Variants in XKR3 observed in about 807,000 individuals in gnomAD.
XKR3 encodes the protein XK related 3, also known as XK-related protein 3.
A neutral mutation model predicts 40.3 loss-of-function variants in XKR3; 27 were observed. The observed-to-expected ratio is 0.67, with a 90% CI of 0.49 to 0.92. XKR3 has a LOEUF of 0.92. Among genes scored for constraint, XKR3 ranks in the 40% least tolerant of loss-of-function variants. XKR3 has a pLI of 0.00. For missense variants in XKR3, 472 were observed against 537.6 expected, an observed-to-expected ratio of 0.88 and a Z score of 1.21; for synonymous variants, 193 against 195.4, an observed-to-expected ratio of 0.99 and a Z score of 0.10.
In XKR3 at chr22:16,799,270, C is replaced by A. The variant is rs143934994; in HGVS notation, c.589+501G>T. Among the ~76,000 whole-genome samples the A allele has an allele frequency of 5.4e-3, 824 of 151,352 alleles. 9 individuals carry two copies. The highest frequency in any genetic ancestry group is 0.019 in the African/African-American group (780 of 41,250). On this transcript the variant is annotated intron_variant, in intron 3 of 3. Coordinates refer to ENST00000684488, the MANE Select transcript of XKR3 (RefSeq NM_001386955.1). ...CTACTAAAAATATGAAAAAATTAGT[C>A]GGGCATGGTGGCGGGCACCTGTAGT...
intron 1 of XKR3, among the ~76,000 whole-genome samples, chr22:16,819,028 A>T (rs773698558): frequency 6.6e-6 from 1 of 152,168 alleles, no homozygotes; most frequent in Non-Finnish European, 1.5e-5. Flanking sequence ...AATTTGCAAC[A>T]GAATCATCCA....
chr22:16,819,966 A>G (rs1041701318), intron 1 of XKR3, among the ~76,000 whole-genome samples: 2 of 152,224 alleles, frequency 1.3e-5, no homozygotes, highest in Non-Finnish European at 2.9e-5. Context: ...ACAAAAAGTC[A>G]CTGAACATTA....
intron 2 of XKR3, among the ~76,000 whole-genome samples, chr22:16,804,544 G>A (rs2060182071): frequency 1.3e-5 from 2 of 152,094 alleles, no homozygotes; most frequent in South Asian, 4.1e-4. Context: ...GAGATTAACT[G>A]AAAGTCTAGC....
chr22:16,796,144 C>T (rs376897385), intron 3 of XKR3, among the ~76,000 whole-genome samples: 1 of 152,004 alleles, frequency 6.6e-6, no homozygotes, highest in Admixed American at 6.6e-5. Flanking sequence ...TCTCCCAAGA[C>T]TAAATCAAGA....
intron 3 of XKR3, among the ~76,000 whole-genome samples, chr22:16,788,548 C>G (rs1419553523): frequency 3.3e-5 from 5 of 151,952 alleles, no homozygotes; most frequent in African/African-American, 7.2e-5. Flanking sequence ...TGCATTCTAC[C>G]TACCACTAAA....
At chr22:16,807,165 ATGAG>A (rs1411967162) in intron 2 of XKR3, among the ~76,000 whole-genome samples, 2 of 152,340 alleles carry the variant, frequency 1.3e-5, no homozygotes, top group South Asian at 2.1e-4. Context: ...ATTTAGAACT[ATGAG>A]TAAGACAGAT....
chr22:16,812,636 C>T (rs1357298485), intron 1 of XKR3, among the ~76,000 whole-genome samples: 1 of 152,180 alleles, frequency 6.6e-6, no homozygotes, highest in Admixed American at 6.5e-5. Flanking sequence ...GATTGCACCA[C>T]TGCACTCCAG....
At chr22:16,820,964 A>G (rs2060253246) in intron 1 of XKR3, among the ~76,000 whole-genome samples, 1 of 152,122 alleles carries the variant, frequency 6.6e-6, no homozygotes, top group Admixed American at 6.6e-5. Context: ...TTTGAAAACT[A>G]AAACACAAAC....
rs371764594 is a variant in XKR3 at position 16,819,024 on chromosome 22, C to T, written c.-11+6267G>A. On this transcript the variant is annotated intron_variant, in intron 1 of 3. Transcript: ENST00000684488. The stretch of plus-strand genomic sequence containing the variant: ...ACAGGTCAGGAGGACCCCAAATTTG[C>T]AACAGAATCATCCACAACTGCTCCA... 7.2e-5 allele frequency among the ~76,000 whole-genome samples: 11 copies of T among 152,098 alleles called. No homozygotes were observed. In the East Asian group the frequency reaches 1.2e-3, roughly 16 times the overall value.
chr22:16,783,578 G>A lies in XKR3; in HGVS notation c.*41C>T. On this transcript the variant is annotated 3_prime_UTR_variant, in exon 4 of 4. Transcript: ENST00000684488. ...AGAGCCTCTTAACAAGTCACATTCA[G>A]CATCTTTACTCATTGTTCTGTGAAA... The A allele has an allele frequency of 2.8e-6, 4 of 1,445,678 alleles. No individual in the cohort carries two copies. Among genetic ancestry groups the A allele is most frequent in the Non-Finnish European group, 2.8e-6 (3 of 1,083,648 alleles). The allele number at this position is 1,445,678 out of a possible 1,614,324, so 89.6% of individuals were successfully genotyped here.
rs1195558429 is a variant in XKR3 at position 16,811,249 on chromosome 22, G to A, written c.-10-3166C>T. 2.0e-5 allele frequency among the ~76,000 whole-genome samples: 3 copies of A among 151,474 alleles called. No individual in the cohort carries two copies. The East Asian group carries it at 5.8e-4, about 29-fold the overall frequency. Reference sequence around the variant, plus strand: ...GGCGATTTCCTGCCTCAGCCTCTCAGTAGCTGGGACCACAGGTGCCCACCA... The same window carrying A: ...GGCGATTTCCTGCCTCAGCCTCTCAATAGCTGGGACCACAGGTGCCCACCA... On this transcript the variant is annotated intron_variant, in intron 1 of 3. Coordinates refer to ENST00000684488, the MANE Select transcript of XKR3 (RefSeq NM_001386955.1).
intron 2 of XKR3, among the ~76,000 whole-genome samples, chr22:16,807,392 T>C (rs1340381855): frequency 6.6e-6 from 1 of 152,230 alleles, no homozygotes; most frequent in East Asian, 1.9e-4. Flanking sequence ...TCTCACTCAC[T>C]CTACTCTCAT....
chr22:16,798,332 G>A (rs1332263372), intron 3 of XKR3, among the ~76,000 whole-genome samples: 1 of 152,144 alleles, frequency 6.6e-6, no homozygotes, highest in East Asian at 1.9e-4. Context: ...TGTTGGGTGA[G>A]GATGCTTTTG....
At chr22:16,800,139 C>A in intron 2 of XKR3, 115 bp from the exon 3 acceptor site, 3 of 1,167,340 alleles carry the variant, frequency 2.6e-6, no homozygotes, top group Non-Finnish European at 3.6e-6. Context: ...TATCAAATGG[C>A]AAATATTAAC....
rs150445008 is a variant in XKR3 at position 16,812,285 on chromosome 22, A to G, written c.-10-4202T>C. On this transcript the variant is annotated intron_variant, in intron 1 of 3. Transcript: ENST00000684488. ...TTGTTTGTGTGTTTAACCCGCATAT[A>G]CATTCCTGTTAAGGCTGGTAGTGCA... Among the ~76,000 whole-genome samples, 401 of 152,312 alleles carry G rather than the reference A, an allele frequency of 2.6e-3. 2 individuals are homozygous for G. Among genetic ancestry groups the G allele is most frequent in the East Asian group, 0.019 (99 of 5,190 alleles).
chr22:16,787,210 A>C (rs1236574228), intron 3 of XKR3, among the ~76,000 whole-genome samples: 1 of 152,172 alleles, frequency 6.6e-6, no homozygotes, highest in African/African-American at 2.4e-5. Flanking sequence ...AGAAATCTAG[A>C]AAGTTCATAG....
At chr22:16,802,704 G>A (rs1406555792) in intron 2 of XKR3, among the ~76,000 whole-genome samples, 1 of 151,996 alleles carries the variant, frequency 6.6e-6, no homozygotes, top group African/African-American at 2.4e-5. Flanking sequence ...TGGCCCGGAT[G>A]GTCTCGATCT....
At chr22:16,815,053 A>G (rs2060227515) in intron 1 of XKR3, among the ~76,000 whole-genome samples, 1 of 151,976 alleles carries the variant, frequency 6.6e-6, no homozygotes, top group African/African-American at 2.4e-5. Context: ...AGGAAAATGC[A>G]TTCAGGTTTT....
chr22:16,806,628 G>A (rs1324933929), intron 2 of XKR3, among the ~76,000 whole-genome samples: 1 of 151,570 alleles, frequency 6.6e-6, no homozygotes, highest in East Asian at 1.9e-4. Flanking sequence ...TAGCAGAGAC[G>A]GTTTTTCACC....
Sources: allele counts gnomAD v4.1 joint callset (sites outside exome capture counted in the v4.1 genomes callset), GRCh38; gene constraint gnomAD v4.1.1; transcripts MANE v1.5; gene names NCBI Gene and HGNC (gene_info 2026-07-23, HGNC 2026-07-21).